Variants in CSMD3 observed in about 807,000 individuals in gnomAD.
The protein encoded by CSMD3 is CUB and sushi domain-containing protein 3.
A neutral mutation model predicts 435.2 loss-of-function variants in CSMD3; 177 were observed. That is an observed-to-expected ratio of 0.41 (90% CI 0.36 to 0.46). The LOEUF is 0.46. Among genes scored for constraint, CSMD3 ranks in the 20% least tolerant of loss-of-function variants. The pLI is 0.34. For synonymous variants in CSMD3, 1,656 were observed against 1,520.5 expected, an observed-to-expected ratio of 1.09 and a Z score of -2.07; for missense variants, 4,265 against 4,504.6, an observed-to-expected ratio of 0.95 and a Z score of 1.52.
intron 6 of CSMD3, among the ~76,000 whole-genome samples, chr8:112,980,702 A>G (rs906508739): frequency 6.6e-6 from 1 of 151,572 alleles, no homozygotes; most frequent in Non-Finnish European, 1.5e-5. Context: ...TTGCGAACTA[A>G]TTGAATACGA....
chr8:112,441,238 C>G (rs1814978798), intron 32 of CSMD3, among the ~76,000 whole-genome samples: 1 of 152,118 alleles, frequency 6.6e-6, no homozygotes, highest in African/African-American at 2.4e-5. Flanking sequence ...GCAAGAGTCA[C>G]CTTTGCTCCC....
chr8:113,333,435 GTTTA>G (rs958620766), intron 1 of CSMD3, among the ~76,000 whole-genome samples: 33 of 151,806 alleles, frequency 2.2e-4, no homozygotes, highest in African/African-American at 7.7e-4. Context: ...GTTGTGATCT[GTTTA>G]TTTAATTTTT....
chr8:112,707,726 G>T (rs542758996), intron 13 of CSMD3, among the ~76,000 whole-genome samples: 1 of 152,146 alleles, frequency 6.6e-6, no homozygotes, highest in East Asian at 1.9e-4. Flanking sequence ...ATTCTCAAAA[G>T]AGAATCCTGA....
chr8:113,046,251 A>AC (rs2087825303), intron 5 of CSMD3, among the ~76,000 whole-genome samples: 1 of 149,102 alleles, frequency 6.7e-6, no homozygotes, highest in South Asian at 2.1e-4. Context: ...CCCCTACCCC[A>AC]CAGGGAACAA....
chr8:112,834,142 G>A (rs1006737363), intron 11 of CSMD3, among the ~76,000 whole-genome samples: 3 of 151,830 alleles, frequency 2.0e-5, no homozygotes. Flanking sequence ...GCAACAATGA[G>A]AGCTCTATCT....
rs2130110531 is a variant in CSMD3 at position 112,244,459 on chromosome 8, C to T, written c.10337G>A (p.Gly3446Asp). ...YTCQPGFFLAGGTEHRVCRSD... is the reference protein window; with the variant it reads ...YTCQPGFFLADGTEHRVCRSD... Reference sequence around the variant, plus strand: ...TCTACACACTCTATGTTCTGTTCCACCTGCTAAGAAGAAGCCAGGCTGACA... The same window carrying T: ...TCTACACACTCTATGTTCTGTTCCATCTGCTAAGAAGAAGCCAGGCTGACA... Residue 3446 changes from glycine (G) to aspartate (D), a missense_variant, in exon 65 of 71, where the codon GGT (glycine) becomes GAT (aspartate). Physicochemically the swap from Gly to Asp is moderately conservative, Grantham distance 94. Around this residue, in one of 3 missense-constraint regions of CSMD3, gnomAD observed 3,255 missense variants for 3,380.2 expected, o/e 0.96. Coordinates refer to ENST00000297405, the MANE Select transcript of CSMD3 (RefSeq NM_198123.2). 2 of 1,613,916 alleles carry T rather than the reference C, an allele frequency of 1.2e-6. No individual in the cohort carries two copies. Among genetic ancestry groups the T allele is most frequent in the Non-Finnish European group, 1.7e-6 (2 of 1,179,864 alleles).
chr8:112,496,275 T>A (rs1308088058), intron 30 of CSMD3, among the ~76,000 whole-genome samples: 3 of 152,170 alleles, frequency 2.0e-5, no homozygotes, highest in Non-Finnish European at 4.4e-5. Context: ...AGCCACGTCT[T>A]AATTTTTAAT....
intron 3 of CSMD3, among the ~76,000 whole-genome samples, chr8:113,201,577 A>T (rs1218033179): frequency 5.3e-5 from 8 of 152,006 alleles, no homozygotes. Context: ...TCTTCACTTA[A>T]TCTAAAAACA....
chr8:112,723,623 A>G (rs956856055), intron 13 of CSMD3, among the ~76,000 whole-genome samples: 1 of 152,166 alleles, frequency 6.6e-6, no homozygotes. Context: ...CAGAAGCAAT[A>G]ATTAGCTCAT....
At chr8:112,501,960 A>T (rs777736373) in intron 30 of CSMD3, among the ~76,000 whole-genome samples, 1 of 152,356 alleles carries the variant, frequency 6.6e-6, no homozygotes, top group Non-Finnish European at 1.5e-5. Flanking sequence ...TAATAAAAAT[A>T]CAAAATTTGT....
chr8:113,067,452 G>T (rs1445911649), intron 5 of CSMD3, among the ~76,000 whole-genome samples: 1 of 152,096 alleles, frequency 6.6e-6, no homozygotes, highest in Admixed American at 6.5e-5. Context: ...GAATGCCTCA[G>T]TCCTTAAGCT....
rs2130854117 is a variant in CSMD3 at position 112,492,634 on chromosome 8, G to T, written c.5133C>A (p.Thr1711=). 6.2e-7 allele frequency: 1 copy of T among 1,613,708 alleles called. No homozygotes were observed. The highest frequency in any genetic ancestry group is 8.5e-7 in the Non-Finnish European group (1 of 1,179,736). The part of the protein sequence containing the change: ...CFDPGNIMNG[T]RLGMDYKLGS... ...CTAATTTATAATCCATTCCAAGTCTGGTGCCATTCATTATATTGCCTGGAT... is the reference window on the plus strand; with the variant it reads ...CTAATTTATAATCCATTCCAAGTCTTGTGCCATTCATTATATTGCCTGGAT... The change falls in exon 31 of 71, where the codon ACC becomes ACA. Residue 1711 remains threonine, a synonymous_variant. Coordinates refer to ENST00000297405, the MANE Select transcript of CSMD3 (RefSeq NM_198123.2).
intron 17 of CSMD3, among the ~76,000 whole-genome samples, chr8:112,663,633 T>A (rs765963747): frequency 1.4e-4 from 21 of 150,258 alleles, no homozygotes; most frequent in South Asian, 2.1e-4. Flanking sequence ...ACTTAAAGTA[T>A]AATAAAAAAA....
Position 113,283,428 on chromosome 8 carries a change from A to T in CSMD3, c.402-4724T>A, listed in dbSNP as rs569924692. 3.3e-5 allele frequency among the ~76,000 whole-genome samples: 5 copies of T among 152,304 alleles called. No homozygotes were observed. The South Asian group carries it at 1.0e-3, about 32-fold the overall frequency. On this transcript the variant is annotated intron_variant, in intron 2 of 70. Transcript: ENST00000297405. ...CATCAAAAAGTGGGCTAAGGGCATG[A>T]ATAGACAATTCTCAAAAGAAGATAT...
chr8:112,800,651 GT>G (rs1313746502), intron 12 of CSMD3, among the ~76,000 whole-genome samples: 2 of 151,900 alleles, frequency 1.3e-5, no homozygotes. Context: ...ACAGAACTTT[GT>G]TCTAGAGAAA....
intron 23 of CSMD3, among the ~76,000 whole-genome samples, chr8:112,580,929 A>G (rs1830295174): frequency 6.6e-6 from 1 of 152,036 alleles, no homozygotes; most frequent in South Asian, 2.1e-4. Flanking sequence ...ACCTAGATTA[A>G]TTTTCCCACT....
At chr8:113,063,063 C>G (rs1053312482) in intron 5 of CSMD3, among the ~76,000 whole-genome samples, 36 of 149,478 alleles carry the variant, frequency 2.4e-4, no homozygotes, top group Non-Finnish European at 5.4e-4. Flanking sequence ...TTAAATGTTT[C>G]CAGAAAGAAA....
intron 5 of CSMD3, among the ~76,000 whole-genome samples, chr8:113,096,864 T>C (rs1242418041): frequency 6.6e-6 from 1 of 152,120 alleles, no homozygotes; most frequent in Admixed American, 6.6e-5. Flanking sequence ...AAATATCAAC[T>C]TTACAATTAA....
At chr8:112,408,874 G>T in intron 33 of CSMD3, 45 bp downstream of exon 33, 3 of 1,612,776 alleles carry the variant, frequency 1.9e-6, no homozygotes, top group Non-Finnish European at 8.5e-7. Flanking sequence ...ATCAAAGTCA[G>T]TCTTTAATCA....
Sources: allele counts gnomAD v4.1 joint callset (sites outside exome capture counted in the v4.1 genomes callset), GRCh38; gene constraint gnomAD v4.1.1; regional missense constraint gnomAD v4.1.1; transcripts MANE v1.5; gene names NCBI Gene and HGNC (gene_info 2026-07-23, HGNC 2026-07-21).